The following ADAT1 variants were observed in gnomAD, a reference collection of about 807,000 sequenced individuals.
ADAT1 encodes the protein tRNA-specific adenosine deaminase 1.
In ADAT1, 58 loss-of-function variants were observed where a neutral mutation model predicts 58.6. That is an observed-to-expected ratio of 0.99 (90% CI 0.80 to 1.23). The LOEUF is 1.23. Among genes scored for constraint, ADAT1 ranks in the 50% most tolerant of loss-of-function variants. The pLI is 0.00. For synonymous variants in ADAT1, 254 were observed against 220.8 expected (o/e 1.15, Z -1.33); for missense variants, 741 against 608.6 (o/e 1.22, Z -2.29).
Position 75,598,508 on chromosome 16 carries a change from T to C in ADAT1, c.*1708A>G, listed in dbSNP as rs1195204144. Reference sequence around the variant, plus strand: ...TGATGGTTGCACAACTCTGTGGATATACTAAAAAAATTTTTTTTTTTTTTT... The same window carrying C: ...TGATGGTTGCACAACTCTGTGGATACACTAAAAAAATTTTTTTTTTTTTTT... On this transcript the variant is annotated 3_prime_UTR_variant, in exon 10 of 10. Transcript: ENST00000564657. 2.0e-5 allele frequency among the ~76,000 whole-genome samples: 3 copies of C among 150,852 alleles called. No homozygotes were observed. The highest frequency in any genetic ancestry group is 6.6e-5 in the Admixed American group (1 of 15,182).
chr16:75,603,744 C>T (rs1476010097), intron 8 of ADAT1, among the ~76,000 whole-genome samples: 3 of 152,180 alleles, frequency 2.0e-5, no homozygotes, highest in East Asian at 1.9e-4. Flanking sequence ...CCCAGACCTT[C>T]GTGGTTGCCT....
At chr16:75,612,220 T>C (rs371579667) in intron 6 of ADAT1, 23 bp downstream of exon 6, 12 of 1,605,342 alleles carry the variant, frequency 7.5e-6, no homozygotes, top group African/African-American at 2.7e-5. Flanking sequence ...ACTGTTCCAA[T>C]TGAGCCCTCC....
At position 75,600,024 on chromosome 16, in the gene ADAT1, T is replaced by G. The variant is rs2081182079; in HGVS notation, c.*192A>C. 1.4e-6 allele frequency: 2 copies of G among 1,394,754 alleles called. No homozygotes were observed. Among genetic ancestry groups the G allele is most frequent in the Admixed American group, 3.0e-5 (1 of 33,326 alleles). The allele number at this position is 1,394,754 out of a possible 1,614,324, so 86.4% of individuals were successfully genotyped here. A position where few individuals can be genotyped will look rare whatever the true frequency, so the allele number is the denominator to read the frequency against. On this transcript the variant is annotated 3_prime_UTR_variant, in exon 10 of 10. Coordinates refer to ENST00000564657, the MANE Select transcript of ADAT1 (RefSeq NM_001324445.2). ...TAGTGAGGTCATTAGTGAGATGCCA[T>G]TTTAGCAGAGAGCTACTTCAATCAA...
chr16:75,615,226 T>G (rs1483697204), intron 5 of ADAT1, among the ~76,000 whole-genome samples: 1 of 150,982 alleles, frequency 6.6e-6, no homozygotes, highest in African/African-American at 2.4e-5. Context: ...AAAAAAAAAC[T>G]CTCATTTCCT....
chr16:75,608,769 G>A, intron 7 of ADAT1, 74 bp downstream of exon 7: 1 of 1,540,498 alleles, frequency 6.5e-7, no homozygotes, highest in Non-Finnish European at 8.7e-7. Flanking sequence ...AGGCTGGGAG[G>A]ATGCCGACCC....
chr16:75,600,117 T>G lies in ADAT1; in HGVS notation c.*99A>C. 1 of 1,550,088 alleles carries G rather than the reference T, an allele frequency of 6.5e-7. No individual in the cohort carries two copies. The highest frequency in any genetic ancestry group is 2.3e-5 in the East Asian group (1 of 44,218). ...ACAGAGATGCAAAGCTCAGAAAGAA[T>G]GTTCCCTGATTTAACTACCAAAAAA... On this transcript the variant is annotated 3_prime_UTR_variant, in exon 10 of 10. Coordinates refer to ENST00000564657, the MANE Select transcript of ADAT1 (RefSeq NM_001324445.2).
At chr16:75,608,695 TGA>T in intron 7 of ADAT1, 146 bp downstream of exon 7, 6 of 932,968 alleles carry the variant, frequency 6.4e-6, no homozygotes, top group Non-Finnish European at 9.4e-6. Context: ...AGCATAAACG[TGA>T]CCCACTATGG....
chr16:75,620,630 C>T lies in ADAT1; in HGVS notation c.169+1G>A. On this transcript the variant is annotated splice_donor_variant, in intron 2 of 9. Coordinates refer to ENST00000564657, the MANE Select transcript of ADAT1 (RefSeq NM_001324445.2). LOFTEE classifies it high-confidence loss of function. ...AGCATGCCAAGAAGAAAAAGTCTCA[C>T]CTTGCACCGGCTTATCAGGGGTGTC... 1 of 1,612,632 alleles carries T rather than the reference C, an allele frequency of 6.2e-7. No individual in the cohort carries two copies. The highest frequency in any genetic ancestry group is 8.5e-7 in the Non-Finnish European group (1 of 1,179,824).
chr16:75,616,931 T>C (rs1235328822), intron 5 of ADAT1, among the ~76,000 whole-genome samples: 1 of 152,246 alleles, frequency 6.6e-6, no homozygotes, highest in African/African-American at 2.4e-5. Flanking sequence ...TCTGCACCCC[T>C]TGCCTCTGTC....
intron 8 of ADAT1, 50 bp downstream of exon 8, chr16:75,608,174 T>A: frequency 6.8e-7 from 1 of 1,469,536 alleles, no homozygotes; most frequent in South Asian, 1.1e-5. Context: ...TAGATAGTGG[T>A]AGAGTGTGAG....
Position 75,608,276 on chromosome 16 carries a change from T to C in ADAT1, c.1237A>G (p.Asn413Asp). Residue 413 changes from asparagine (N) to aspartate (D), a missense_variant, in exon 8 of 10, where the codon AAT (asparagine) becomes GAT (aspartate). Asn to Asp is a conservative substitution (Grantham distance 23). Coordinates refer to ENST00000564657, the MANE Select transcript of ADAT1 (RefSeq NM_001324445.2). ...VPEQPLDVTA[N>D]GFPQGTTKKT... ...TTTGTTGTTCCCTGTGGAAAGCCATTGGCAGTAACATCCAAAGGCTGCTCA... is the reference window on the plus strand; with the variant it reads ...TTTGTTGTTCCCTGTGGAAAGCCATCGGCAGTAACATCCAAAGGCTGCTCA... 1.2e-6 allele frequency: 2 copies of C among 1,614,150 alleles called. No homozygotes were observed. The highest frequency in any genetic ancestry group is 2.2e-5 in the East Asian group (1 of 44,876).
chr16:75,614,315 C>A (rs891038912), intron 5 of ADAT1, among the ~76,000 whole-genome samples: 2 of 152,186 alleles, frequency 1.3e-5, no homozygotes, highest in African/African-American at 4.8e-5. Flanking sequence ...ACCAATGTTT[C>A]CAAAATTTCC....
chr16:75,608,722 C>A, intron 7 of ADAT1, 121 bp downstream of exon 7: 1 of 1,264,126 alleles, frequency 7.9e-7, no homozygotes. Flanking sequence ...CTCTAAAGCC[C>A]ACACTACCGG....
At chr16:75,602,984 T>C (rs895287369) in intron 9 of ADAT1, 101 bp downstream of exon 9, 41 of 1,024,850 alleles carry the variant, frequency 4.0e-5, no homozygotes, top group Non-Finnish European at 5.8e-5. Flanking sequence ...TGCCACTGGC[T>C]TGCTGAACCA....
At chr16:75,622,340 G>C (rs2081958169) in intron 1 of ADAT1, 63 bp downstream of exon 1, 1 of 152,184 alleles carries the variant, frequency 6.6e-6, no homozygotes, top group Non-Finnish European at 1.5e-5. Flanking sequence ...CAGAGGGCCA[G>C]GGCAAGCCTT....
chr16:75,610,192 C>T (rs2081487201), intron 6 of ADAT1, among the ~76,000 whole-genome samples: 1 of 152,094 alleles, frequency 6.6e-6, no homozygotes, highest in African/African-American at 2.4e-5. Flanking sequence ...GGATATATCA[C>T]ATTTGATTTA....
intron 5 of ADAT1, among the ~76,000 whole-genome samples, chr16:75,614,901 T>C (rs2081652894): frequency 6.6e-6 from 1 of 152,154 alleles, no homozygotes. Context: ...GGTTGCCAAC[T>C]TTTTATTCCA....
chr16:75,619,204 C>T (rs2081848073), intron 3 of ADAT1, among the ~76,000 whole-genome samples: 1 of 152,056 alleles, frequency 6.6e-6, no homozygotes, highest in African/African-American at 2.4e-5. Context: ...CAAAGAGGAA[C>T]CTGCTAGCTA....
intron 8 of ADAT1, 24 bp from the exon 9 acceptor site, chr16:75,603,195 A>G: frequency 6.3e-7 from 1 of 1,593,826 alleles, no homozygotes; most frequent in South Asian, 1.1e-5. Context: ...GAAGGCAAAG[A>G]TGATTTATTA....
Sources: allele counts gnomAD v4.1 joint callset (sites outside exome capture counted in the v4.1 genomes callset), GRCh38; gene constraint gnomAD v4.1.1; transcripts MANE v1.5; gene names NCBI Gene and HGNC (gene_info 2026-07-23, HGNC 2026-07-21).